Variants in FNBP1L observed in about 807,000 individuals in gnomAD.
FNBP1L encodes the protein formin binding protein 1 like, also known as formin-binding protein 1-like.
In FNBP1L, 36 loss-of-function variants were observed where a neutral mutation model predicts 91.2. The observed-to-expected ratio is 0.39, with a 90% CI of 0.30 to 0.52. The LOEUF (loss-of-function observed/expected upper bound fraction) is 0.52, where lower values mean the gene tolerates loss of function less well. Ranked by LOEUF, FNBP1L falls within the 20% of genes least tolerant of loss-of-function variation. The pLI is 0.66. For missense variants in FNBP1L, 571 were observed against 732.1 expected (o/e 0.78, Z 2.54); for synonymous variants, 242 against 237.0 (o/e 1.02, Z -0.19).
intron 2 of FNBP1L, among the ~76,000 whole-genome samples, chr1:93,518,458 AAGTT>A (rs1419317326): frequency 1.3e-5 from 2 of 152,192 alleles, no homozygotes; most frequent in Non-Finnish European, 2.9e-5. Context: ...GTTTTTAACA[AAGTT>A]AATTAGGAAA....
chr1:93,524,896 G>T (rs1205295821), intron 5 of FNBP1L, among the ~76,000 whole-genome samples: 1 of 151,846 alleles, frequency 6.6e-6, no homozygotes, highest in Non-Finnish European at 1.5e-5. Flanking sequence ...ACTTTGTAGG[G>T]CAAAATTATA....
intron 2 of FNBP1L, among the ~76,000 whole-genome samples, chr1:93,500,357 A>T (rs1176915607): frequency 6.6e-6 from 1 of 152,156 alleles, no homozygotes; most frequent in Non-Finnish European, 1.5e-5. Context: ...GGTTCCATTC[A>T]TACCATCCTC....
intron 16 of FNBP1L, chr1:93,552,000 G>A: frequency 3.0e-6 from 3 of 997,190 alleles, no homozygotes; most frequent in Non-Finnish European, 2.4e-6. Flanking sequence ...GGGAAGTGTT[G>A]ACAAATTTTA....
At chr1:93,548,762 C>G (rs994705907) in intron 14 of FNBP1L, among the ~76,000 whole-genome samples, 1 of 152,076 alleles carries the variant, frequency 6.6e-6, no homozygotes, top group Non-Finnish European at 1.5e-5. Context: ...GAATTCTCTT[C>G]GAAGAGTCCC....
rs776399384 is a variant in FNBP1L at position 93,449,731 on chromosome 1, T to C, written c.24+1426T>C. On this transcript the variant is annotated intron_variant, in intron 1 of 16. Transcript: ENST00000271234. ...TTAGATAGCATTAATTGTTCTTATA[T>C]TGGGGAGGATTGCATGGTAAATGAA... Among the ~76,000 whole-genome samples, 6 of 152,178 alleles carry C rather than the reference T, an allele frequency of 3.9e-5. 1 individual carries two copies. Among genetic ancestry groups the C allele is most frequent in the Non-Finnish European group, 7.3e-5 (5 of 68,038 alleles).
chr1:93,461,766 T>C (rs1292724236), intron 1 of FNBP1L, among the ~76,000 whole-genome samples: 1 of 152,218 alleles, frequency 6.6e-6, no homozygotes, highest in Non-Finnish European at 1.5e-5. Context: ...TCCAAGGAAT[T>C]AATGATGGCT....
chr1:93,541,527 T>A (rs1288290369), intron 11 of FNBP1L, among the ~76,000 whole-genome samples: 3 of 146,308 alleles, frequency 2.1e-5, no homozygotes, highest in Non-Finnish European at 4.5e-5. Flanking sequence ...GGTTCTTCTG[T>A]GCTATTGAAG....
chr1:93,459,474 A>T (rs1668786768), intron 1 of FNBP1L, among the ~76,000 whole-genome samples: 1 of 152,228 alleles, frequency 6.6e-6, no homozygotes, highest in Non-Finnish European at 1.5e-5. Flanking sequence ...ATATGAAAAA[A>T]TGCTCAACAT....
At chr1:93,513,752 T>G (rs1297523348) in intron 2 of FNBP1L, among the ~76,000 whole-genome samples, 1 of 152,202 alleles carries the variant, frequency 6.6e-6, no homozygotes, top group Non-Finnish European at 1.5e-5. Context: ...ATAAATTAGA[T>G]ATTGATGGGA....
chr1:93,490,155 A>G (rs562741231), intron 1 of FNBP1L, among the ~76,000 whole-genome samples: 11 of 92,356 alleles, frequency 1.2e-4, no homozygotes, highest in Non-Finnish European at 2.5e-4. Context: ...TTCTAAAGTG[A>G]TACATAAAAT....
At chr1:93,483,233 C>A (rs1464504041) in intron 1 of FNBP1L, among the ~76,000 whole-genome samples, 5 of 151,030 alleles carry the variant, frequency 3.3e-5, no homozygotes, top group Admixed American at 2.6e-4. Context: ...TAGTAGCAAC[C>A]ACCCTACCGG....
intron 1 of FNBP1L, among the ~76,000 whole-genome samples, chr1:93,453,647 G>A (rs372932543): frequency 1.3e-5 from 2 of 151,562 alleles, no homozygotes; most frequent in South Asian, 2.1e-4. Context: ...CACTTCAATA[G>A]CAAAAAAAAA....
At chr1:93,552,097 C>G (rs1292861545) in intron 16 of FNBP1L, 2 of 1,113,666 alleles carry the variant, frequency 1.8e-6, no homozygotes. Context: ...TCCGCTGAAT[C>G]ATTAGTTATT....
intron 1 of FNBP1L, among the ~76,000 whole-genome samples, chr1:93,487,308 A>T (rs1669942896): frequency 6.6e-6 from 1 of 151,714 alleles, no homozygotes; most frequent in African/African-American, 2.4e-5. Context: ...CCCATTCTTT[A>T]CTCCCCTATC....
chr1:93,487,937 T>G (rs749522409), intron 1 of FNBP1L, among the ~76,000 whole-genome samples: 16 of 152,242 alleles, frequency 1.1e-4, no homozygotes, highest in Non-Finnish European at 1.5e-4. Context: ...ACTCAACATG[T>G]CAACCTGGAT....
intron 12 of FNBP1L, among the ~76,000 whole-genome samples, chr1:93,544,627 A>G (rs1255104890): frequency 6.6e-6 from 1 of 152,168 alleles, no homozygotes; most frequent in Non-Finnish European, 1.5e-5. Flanking sequence ...TTGTTCACAC[A>G]TAAGTTTACT....
intron 1 of FNBP1L, among the ~76,000 whole-genome samples, chr1:93,465,634 T>A (rs1669049260): frequency 6.6e-6 from 1 of 152,232 alleles, no homozygotes; most frequent in Non-Finnish European, 1.5e-5. Flanking sequence ...TCCAAGTCTT[T>A]GCTATTGTGA....
chr1:93,551,696 A>G lies in FNBP1L; in HGVS notation c.1810+591A>G, dbSNP rs141634435. 447 of 984,824 alleles carry G rather than the reference A, an allele frequency of 4.5e-4. 5 individuals are homozygous for G. The African/African-American group carries it at 7.2e-3, about 16-fold the overall frequency. 61.0% of individuals were successfully genotyped at this position (984,824 alleles called of 1,614,324 possible). On this transcript the variant is annotated intron_variant, in intron 16 of 16. Coordinates refer to ENST00000271234, the MANE Select transcript of FNBP1L (RefSeq NM_001164473.3). ...GAAGAAAATGAGCAGGTAGCACATA[A>G]TCTATTTAAGTAGATTTAAAGAGAG... is the stretch of plus-strand genomic sequence containing the variant.
intron 2 of FNBP1L, among the ~76,000 whole-genome samples, chr1:93,508,703 T>C (rs1266626119): frequency 9.2e-5 from 14 of 152,214 alleles, no homozygotes. Context: ...AAATTAGTGT[T>C]ATTTATGTGA....
Sources: allele counts gnomAD v4.1 joint callset (sites outside exome capture counted in the v4.1 genomes callset), GRCh38; gene constraint gnomAD v4.1.1; transcripts MANE v1.5; gene names NCBI Gene and HGNC (gene_info 2026-07-23, HGNC 2026-07-21).